Variants in SVOP observed in about 807,000 individuals in gnomAD.
The protein encoded by SVOP is SV2 related protein.
Under a neutral mutation model 69.1 loss-of-function variants are expected in SVOP, and 17 were observed. The ratio of observed to expected loss-of-function variants is 0.25; its 90% confidence interval spans 0.17 to 0.37. The LOEUF is 0.37. Ranked by LOEUF, SVOP falls within the 10% of genes least tolerant of loss-of-function variation. The probability of loss-of-function intolerance (pLI) is 1.00; values close to 1 mark genes in which losing one functional copy is unlikely to be tolerated. For missense variants in SVOP, 435 were observed against 597.5 expected (o/e 0.73, Z 2.84); for synonymous variants, 238 against 238.6 (o/e 1.00, Z 0.02).
intron 11 of SVOP, among the ~76,000 whole-genome samples, chr12:108,924,304 A>C (rs1415587097): frequency 6.6e-6 from 1 of 152,118 alleles, no homozygotes; most frequent in Non-Finnish European, 1.5e-5. Context: ...ATTTTGTTAT[A>C]GCAGTCCAAA....
At chr12:108,974,111 T>C (rs1328457281) in intron 4 of SVOP, among the ~76,000 whole-genome samples, 1 of 152,218 alleles carries the variant, frequency 6.6e-6, no homozygotes, top group African/African-American at 2.4e-5. Flanking sequence ...CTAACAAAAC[T>C]CCTTCAGTTC....
intron 4 of SVOP, among the ~76,000 whole-genome samples, chr12:108,975,986 C>T (rs1486492705): frequency 6.6e-6 from 1 of 152,136 alleles, no homozygotes; most frequent in Non-Finnish European, 1.5e-5. Context: ...CAGGTGTCAG[C>T]TACCGTGACC....
intron 5 of SVOP, among the ~76,000 whole-genome samples, chr12:108,968,802 T>A (rs936291387): frequency 3.3e-5 from 5 of 151,330 alleles, no homozygotes; most frequent in Non-Finnish European, 5.9e-5. Context: ...AATAAATGAA[T>A]TTTTTTTTCC....
intron 4 of SVOP, among the ~76,000 whole-genome samples, chr12:108,976,093 G>T (rs1196652877): frequency 6.6e-6 from 1 of 152,092 alleles, no homozygotes; most frequent in Non-Finnish European, 1.5e-5. Context: ...GGGGCTGTGT[G>T]TATTTAACAA....
Position 108,919,760 on chromosome 12 carries a change from C to A in SVOP, c.1183G>T (p.Asp395Tyr). 1.9e-6 allele frequency: 3 copies of A among 1,600,722 alleles called. No individual in the cohort carries two copies. The highest frequency in any genetic ancestry group is 2.3e-5 in the South Asian group (2 of 88,510). ...PGVLVTLWII[D>Y]RLGRKKTMAL... ...ATGGTCTTCTTGCGCCCCAGGCGGT[C>A]AATAATCCACAGAGTCACAAGGACA... Residue 395 changes from aspartate to tyrosine, a missense_variant, in exon 13 of 16, where the codon GAC (aspartate) becomes TAC (tyrosine). By Grantham distance (160) the Asp-to-Tyr change is radical (BLOSUM62 -3). Coordinates refer to ENST00000610966, the MANE Select transcript of SVOP (RefSeq NM_018711.5).
intron 8 of SVOP, 59 bp from the exon 9 acceptor site, chr12:108,939,014 G>T: frequency 6.2e-7 from 1 of 1,610,594 alleles, no homozygotes. Context: ...CAGAGCACTC[G>T]CTTCTAGCCA....
intron 1 of SVOP, among the ~76,000 whole-genome samples, chr12:108,985,713 C>T (rs1649870468): frequency 6.6e-6 from 1 of 152,026 alleles, no homozygotes; most frequent in African/African-American, 2.4e-5. Flanking sequence ...GTTACATGGG[C>T]ATGAATAGCA....
At chr12:108,944,426 C>T (rs192109165) in intron 7 of SVOP, among the ~76,000 whole-genome samples, 107 of 152,244 alleles carry the variant, frequency 7.0e-4, no homozygotes, top group African/African-American at 2.4e-3. Context: ...GGGATCAATG[C>T]GATTAACATT....
At chr12:108,959,207 C>G (rs2040002725) in intron 6 of SVOP, among the ~76,000 whole-genome samples, 1 of 152,120 alleles carries the variant, frequency 6.6e-6, no homozygotes, top group Non-Finnish European at 1.5e-5. Flanking sequence ...TTCTACCTGC[C>G]ATAGCCAGAT....
intron 15 of SVOP, among the ~76,000 whole-genome samples, chr12:108,913,962 T>C (rs1473799097): frequency 6.6e-6 from 1 of 152,220 alleles, no homozygotes; most frequent in East Asian, 1.9e-4. Flanking sequence ...ATTTCTTCAT[T>C]TGCCAAATGG....
chr12:108,986,464 CAAT>C (rs1462364426), intron 1 of SVOP, among the ~76,000 whole-genome samples: 4 of 152,138 alleles, frequency 2.6e-5, no homozygotes, highest in African/African-American at 9.7e-5. Flanking sequence ...ACATACATAA[CAAT>C]GAGAGAAATA....
At position 108,986,778 on chromosome 12, in the gene SVOP, A is replaced by AG. The variant is rs36157454; in HGVS notation, c.36-3018dup. 2.2e-4 allele frequency among the ~76,000 whole-genome samples: 33 copies of AG among 151,090 alleles called. 1 individual carries two copies. The highest frequency in any genetic ancestry group is 3.3e-4 in the Admixed American group (5 of 15,162). ...CGCCAGTGCTCTTCTTTGATCGGGG[A>AG]GGGGGGGGTCTTTATAGGCATCATT... On this transcript the variant is annotated intron_variant, in intron 1 of 15. Coordinates refer to ENST00000610966, the MANE Select transcript of SVOP (RefSeq NM_018711.5).
intron 5 of SVOP, among the ~76,000 whole-genome samples, chr12:108,967,751 C>G (rs1225610595): frequency 6.6e-6 from 1 of 152,058 alleles, no homozygotes; most frequent in African/African-American, 2.4e-5. Context: ...GCACTGGATG[C>G]CAGTAGCACA....
intron 2 of SVOP, among the ~76,000 whole-genome samples, chr12:108,979,405 A>AT (rs1434734222): frequency 6.6e-6 from 1 of 151,450 alleles, no homozygotes; most frequent in East Asian, 1.9e-4. Flanking sequence ...ATGCCCAGCT[A>AT]TTTTTTTTCT....
chr12:108,969,428 C>A (rs2040065841), intron 5 of SVOP, among the ~76,000 whole-genome samples: 1 of 142,410 alleles, frequency 7.0e-6, no homozygotes, highest in Admixed American at 7.4e-5. Context: ...GTTGCCCAGG[C>A]TGGAGTGCAA....
chr12:108,961,862 T>A (rs1018467363), intron 5 of SVOP, among the ~76,000 whole-genome samples: 5 of 152,224 alleles, frequency 3.3e-5, no homozygotes, highest in Non-Finnish European at 5.9e-5. Context: ...ACTTTAGAAC[T>A]GATTTCTTTC....
chr12:108,913,078 T>TG lies in SVOP; in HGVS notation c.1441-338_1441-337insC, dbSNP rs570390994. ...TATTCTTTTTTTTGTTTTTTGTTTT[T>TG]TTTGTTTTTTTGAGATGAGTTTCAT... On this transcript the variant is annotated intron_variant, in intron 15 of 15. Coordinates refer to ENST00000610966, the MANE Select transcript of SVOP (RefSeq NM_018711.5). Among the ~76,000 whole-genome samples the TG allele has an allele frequency of 7.3e-4, 111 of 152,296 alleles. 1 individual carries two copies. The highest frequency in any genetic ancestry group is 3.7e-3 in the South Asian group (18 of 4,822).
intron 1 of SVOP, among the ~76,000 whole-genome samples, chr12:109,007,802 C>G (rs2040317273): frequency 6.6e-6 from 1 of 152,136 alleles, no homozygotes; most frequent in Non-Finnish European, 1.5e-5. Context: ...ACTTGGGAGG[C>G]TGAGGTGGGA....
chr12:108,956,325 A>T (rs1388580501), intron 6 of SVOP, among the ~76,000 whole-genome samples: 1 of 150,504 alleles, frequency 6.6e-6, no homozygotes, highest in Non-Finnish European at 1.5e-5. Flanking sequence ...AAGAATTAGC[A>T]TTACCCTTCT....
Sources: gnomAD v4.1 joint callset for allele counts (sites outside exome capture counted in the v4.1 genomes callset) on GRCh38, gnomAD v4.1.1 for gene constraint, MANE v1.5 for transcripts, NCBI Gene and HGNC (gene_info 2026-07-23, HGNC 2026-07-21) for gene names.